KCNH7: variants seen among roughly 807,000 people sequenced by gnomAD.
KCNH7 encodes potassium voltage-gated channel subfamily H member 7.
A neutral mutation model predicts 120.8 loss-of-function variants in KCNH7; 49 were observed. The observed-to-expected ratio is 0.41, with a 90% CI of 0.32 to 0.51. KCNH7 has a LOEUF of 0.51. Among genes scored for constraint, KCNH7 ranks in the 20% least tolerant of loss-of-function variants. KCNH7 has a pLI of 0.38. For synonymous variants in KCNH7, 547 were observed against 516.1 expected (o/e 1.06, Z -0.81); for missense variants, 1,097 against 1,446.6 (o/e 0.76, Z 3.92).
intron 5 of KCNH7, among the ~76,000 whole-genome samples, chr2:162,512,310 T>G (rs1691105951): frequency 6.6e-6 from 1 of 151,762 alleles, no homozygotes; most frequent in Non-Finnish European, 1.5e-5. Context: ...GCACTCAAAT[T>G]TTTTGTTTTC....
At chr2:162,468,544 G>A (rs1203045830) in intron 6 of KCNH7, among the ~76,000 whole-genome samples, 3 of 116,548 alleles carry the variant, frequency 2.6e-5, no homozygotes, top group South Asian at 5.8e-4. Context: ...TTTTTCAGAC[G>A]GAGTCTCAGT....
chr2:162,630,831 GT>G (rs1683740922), intron 2 of KCNH7, among the ~76,000 whole-genome samples: 1 of 152,030 alleles, frequency 6.6e-6, no homozygotes, highest in Non-Finnish European at 1.5e-5. Flanking sequence ...GTGGGCTAAA[GT>G]TTTAATCTTA....
chr2:162,590,784 C>G (rs528346104), intron 2 of KCNH7, among the ~76,000 whole-genome samples: 1 of 152,070 alleles, frequency 6.6e-6, no homozygotes, highest in Non-Finnish European at 1.5e-5. Flanking sequence ...GTAATAGTCT[C>G]CACTTCTCCT....
chr2:162,744,560 T>G (rs1574332368), intron 2 of KCNH7, among the ~76,000 whole-genome samples: 1 of 147,844 alleles, frequency 6.8e-6, no homozygotes, highest in East Asian at 2.0e-4. Context: ...ATATTCTAAT[T>G]CACAGAACTT....
intron 2 of KCNH7, among the ~76,000 whole-genome samples, chr2:162,687,032 C>A (rs1463051932): frequency 6.6e-6 from 1 of 152,120 alleles, no homozygotes; most frequent in African/African-American, 2.4e-5. Context: ...GCATCATAAG[C>A]AGCAACACAC....
At chr2:162,608,415 G>A (rs1037718264) in intron 2 of KCNH7, among the ~76,000 whole-genome samples, 2 of 152,182 alleles carry the variant, frequency 1.3e-5, no homozygotes, top group Admixed American at 6.5e-5. Flanking sequence ...TGGGCATAAT[G>A]TGGGCGCAGT....
intron 2 of KCNH7, among the ~76,000 whole-genome samples, chr2:162,582,444 C>A (rs1693903132): frequency 6.6e-6 from 1 of 152,060 alleles, no homozygotes; most frequent in South Asian, 2.1e-4. Flanking sequence ...AGAAAGTTTC[C>A]TTACAGAAAC....
chr2:162,576,616 C>T (rs1001422128), intron 2 of KCNH7, among the ~76,000 whole-genome samples: 3 of 151,244 alleles, frequency 2.0e-5, no homozygotes, highest in Admixed American at 1.3e-4. Context: ...AAGAGTCCAC[C>T]TCAACCACAA....
At chr2:162,570,730 G>A (rs543843796) in intron 2 of KCNH7, among the ~76,000 whole-genome samples, 1 of 151,938 alleles carries the variant, frequency 6.6e-6, no homozygotes, top group African/African-American at 2.4e-5. Context: ...GGGATGCAAG[G>A]CTGGTTCAAT....
chr2:162,503,124 C>T (rs1041505835), intron 6 of KCNH7, among the ~76,000 whole-genome samples: 2 of 152,040 alleles, frequency 1.3e-5, no homozygotes, highest in Non-Finnish European at 2.9e-5. Context: ...TCGCCACAGT[C>T]CCCATTGCCA....
chr2:162,545,380 G>C (rs886218209), intron 2 of KCNH7, among the ~76,000 whole-genome samples: 5 of 152,144 alleles, frequency 3.3e-5, no homozygotes, highest in African/African-American at 1.2e-4. Context: ...GAAACACTGA[G>C]TTGTGTCCTG....
chr2:162,435,775 A>G (rs1688214412), intron 7 of KCNH7, among the ~76,000 whole-genome samples, 178 bp from the exon 8 acceptor site: 1 of 152,046 alleles, frequency 6.6e-6, no homozygotes, highest in African/African-American at 2.4e-5. Context: ...GCTTTGGAAA[A>G]TACTTTGAAA....
intron 2 of KCNH7, among the ~76,000 whole-genome samples, chr2:162,692,279 C>T (rs13396787): frequency 0.16 from 24,279 of 151,928 alleles, 2,289 homozygotes; most frequent in East Asian, 0.46. Context: ...GCACACGCCA[C>T]CACACATGGC....
At chr2:162,808,370 C>T (rs1334652668) in intron 2 of KCNH7, among the ~76,000 whole-genome samples, 1 of 152,020 alleles carries the variant, frequency 6.6e-6, no homozygotes, top group Admixed American at 6.6e-5. Context: ...CAGTCTTTAC[C>T]CCACAAAATT....
At chr2:162,836,402 G>A in intron 2 of KCNH7, 135 bp downstream of exon 2, 1 of 673,858 alleles carries the variant, frequency 1.5e-6, no homozygotes, top group Non-Finnish European at 2.5e-6. Context: ...CATATATGTT[G>A]GATCCCAAAA....
chr2:162,432,506 T>C (rs560097402), intron 8 of KCNH7, among the ~76,000 whole-genome samples: 6 of 152,208 alleles, frequency 3.9e-5, no homozygotes, highest in South Asian at 4.1e-4. Flanking sequence ...TTTATTATCA[T>C]GTTGACATTT....
intron 3 of KCNH7, among the ~76,000 whole-genome samples, chr2:162,521,532 C>G (rs1484184520): frequency 2.6e-5 from 4 of 151,832 alleles, no homozygotes; most frequent in Non-Finnish European, 5.9e-5. Flanking sequence ...AAGAAGGCCA[C>G]TTTATTATTA....
At chr2:162,377,663 G>C (rs1404728023) in intron 14 of KCNH7, among the ~76,000 whole-genome samples, 1 of 152,192 alleles carries the variant, frequency 6.6e-6, no homozygotes, top group Admixed American at 6.5e-5. Flanking sequence ...CTTTGTGATA[G>C]TTTTTGTTAT....
chr2:162,503,116 G>T (rs1173883602), intron 6 of KCNH7, among the ~76,000 whole-genome samples: 1 of 151,972 alleles, frequency 6.6e-6, no homozygotes, highest in East Asian at 1.9e-4. Flanking sequence ...TCCACAGTTC[G>T]CCACAGTCCC....
Sources: gnomAD v4.1 joint callset for allele counts (sites outside exome capture counted in the v4.1 genomes callset) on GRCh38, gnomAD v4.1.1 for gene constraint, MANE v1.5 for transcripts, NCBI Gene and HGNC (gene_info 2026-07-23, HGNC 2026-07-21) for gene names.